The following VSIG8 variants were observed in gnomAD, a reference collection of about 807,000 sequenced individuals.
VSIG8 encodes V-set and immunoglobulin domain-containing protein 8.
Under a neutral mutation model 42.6 loss-of-function variants are expected in VSIG8, and 32 were observed. The observed-to-expected ratio is 0.75, with a 90% CI of 0.57 to 1.01. The LOEUF is 1.01. Ranked by LOEUF, VSIG8 falls within the 50% of genes least tolerant of loss-of-function variation. VSIG8 has a pLI of 0.00. For missense variants in VSIG8, 529 were observed against 558.0 expected (o/e 0.95, Z 0.52); for synonymous variants, 290 against 243.8 (o/e 1.19, Z -1.77).
At chr1:159,858,434 T>C (rs1276559611) in intron 2 of VSIG8, 143 bp from the exon 3 acceptor site, 2 of 876,954 alleles carry the variant, frequency 2.3e-6, no homozygotes, top group East Asian at 2.6e-5. Flanking sequence ...CCTGAGCCAC[T>C]GACCTCTTAC....
rs146657303 is a variant in VSIG8 at position 159,857,836 on chromosome 1, A to G, written c.561T>C (p.His187=). Residue 187 remains histidine, a synonymous_variant, in exon 4 of 7, where the codon CAT becomes CAC. Coordinates refer to ENST00000368100, the MANE Select transcript of VSIG8 (RefSeq NM_001013661.1). ...TGTAAGACCCAGCTCGATAGGGGTAATGGTGCCCACTGATCTTGGCCCACT... is the reference window on the plus strand; with the variant it reads ...TGTAAGACCCAGCTCGATAGGGGTAGTGGTGCCCACTGATCTTGGCCCACT... The part of the protein sequence containing the change: ...SYKWAKISGH[H]YPYRAGSYTS... 1,003 of 1,614,218 alleles carry G rather than the reference A, an allele frequency of 6.2e-4. 2 individuals are homozygous for G. The African/African-American group carries it at 0.012, about 19-fold the overall frequency.
rs773099233 is a variant in VSIG8 at position 159,854,765 on chromosome 1, GC to G, written c.1232del (p.Gly411AlafsTer47). 4 of 1,493,420 alleles carry G rather than the reference GC, an allele frequency of 2.7e-6. No homozygotes were observed. The highest frequency in any genetic ancestry group is 2.7e-6 in the Non-Finnish European group (3 of 1,129,014). The allele number at this position is 1,493,420 out of a possible 1,614,324, so 92.5% of individuals were successfully genotyped here. ...CAEGPVQCKN[G>X]LLV ...CCGGCGCGCGCGCTCACACCAAGAGGCCGTTCTTGCACTGCACCGGCCCCTC... is the reference window on the plus strand; with the variant it reads ...CCGGCGCGCGCGCTCACACCAAGAGGCGTTCTTGCACTGCACCGGCCCCTC... On this transcript the variant is annotated frameshift_variant, in exon 7 of 7. Coordinates refer to ENST00000368100, the MANE Select transcript of VSIG8 (RefSeq NM_001013661.1). LOFTEE classifies it high-confidence loss of function.
rs116960200 is a variant in VSIG8, at chr1:159,859,924, C to G, written c.50-1012G>C. The stretch of plus-strand genomic sequence containing the variant: ...GCTCTTGTCCCTCCCTACCCTGAAG[C>G]CCCAGGCAGGCCTATCCCCAACCGG... On this transcript the variant is annotated intron_variant, in intron 1 of 6. Transcript: ENST00000368100. 1.9e-3 allele frequency among the ~76,000 whole-genome samples: 296 copies of G among 152,116 alleles called. 4 individuals are homozygous for G. Among genetic ancestry groups the G allele is most frequent in the Admixed American group, 0.017 (263 of 15,288 alleles).
At position 159,855,929 on chromosome 1, in the gene VSIG8, C is replaced by CGCCGTT. The variant is rs959233291; in HGVS notation, c.919_924dup (p.Asn307_Gly308dup). ...CCGCAGGCCCCTCCGCCGACCCCGC[C>CGCCGTT]GCCGTTGCCGTAGCCGAAGGCACCG... On this transcript the variant is annotated inframe_insertion, in exon 6 of 7. Transcript: ENST00000368100. 1.4e-5 allele frequency: 22 copies of CGCCGTT among 1,566,466 alleles called. No homozygotes were observed. Among genetic ancestry groups the CGCCGTT allele is most frequent in the South Asian group, 5.8e-5 (5 of 86,186 alleles).
intron 6 of VSIG8, 30 bp downstream of exon 6, chr1:159,855,853 C>T: frequency 1.3e-6 from 2 of 1,528,942 alleles, no homozygotes; most frequent in Admixed American, 2.2e-5. Context: ...CCCTGCCGCA[C>T]AGCAGCATGC....
chr1:159,857,978 C>T lies in VSIG8; in HGVS notation c.431-12G>A. 1 of 1,613,034 alleles carries T rather than the reference C, an allele frequency of 6.2e-7. No homozygotes were observed. On this transcript the variant is annotated splice_polypyrimidine_tract_variant and intron_variant, in intron 3 of 6. Coordinates refer to ENST00000368100, the MANE Select transcript of VSIG8 (RefSeq NM_001013661.1). ...CACTGCAGGTCGTGCTGCAAGGAGG[C>T]AGACAATTGTAAGCCAGGGCCCAGC... is the stretch of plus-strand genomic sequence containing the variant.
chr1:159,855,704 G>A (rs1377796254), intron 6 of VSIG8, 179 bp downstream of exon 6: 1 of 944,250 alleles, frequency 1.1e-6, no homozygotes, highest in East Asian at 1.2e-4. Context: ...TGGGGTGGCA[G>A]GGGGAGGGGA....
Position 159,858,103 on chromosome 1 carries a change from A to G in VSIG8, c.417T>C (p.Ile139=). The G allele has an allele frequency of 6.2e-7, 1 of 1,614,178 alleles. No individual in the cohort carries two copies. ...KKTTMATRKV[I]VTVQARPAVP... The stretch of plus-strand genomic sequence containing the variant: ...GTCTGGCCATACCTTGGACAGTGAC[A>G]ATGACCTTCCGGGTGGCCATGGTGG... Residue 139 remains isoleucine (I), a synonymous_variant, in exon 3 of 7, where the codon ATT becomes ATC. Transcript: ENST00000368100.
chr1:159,855,102 G>A, intron 6 of VSIG8, 76 bp from the exon 7 acceptor site: 2 of 1,553,156 alleles, frequency 1.3e-6, no homozygotes, highest in South Asian at 1.2e-5. Flanking sequence ...GCAGAGCCGG[G>A]GGCTCTTGGC....
Position 159,856,065 on chromosome 1 carries a change from G to T in VSIG8, c.789C>A (p.Gly263=). Residue 263 remains glycine, a synonymous_variant, in exon 6 of 7, where the codon GGC becomes GGA. Coordinates refer to ENST00000368100, the MANE Select transcript of VSIG8 (RefSeq NM_001013661.1). ...EVKVSDSRRI[G]VIIGIVLGSL... ...AGCCCAGGACGATGCCGATGATCACGCCTATACGCCGGGAGTCTGTGGAGA... is the reference window on the plus strand; with the variant it reads ...AGCCCAGGACGATGCCGATGATCACTCCTATACGCCGGGAGTCTGTGGAGA... 2 of 1,611,872 alleles carry T rather than the reference G, an allele frequency of 1.2e-6. 1 individual carries two copies. Among genetic ancestry groups the T allele is most frequent in the South Asian group, 2.2e-5 (2 of 90,630 alleles).
intron 2 of VSIG8, 84 bp downstream of exon 2, chr1:159,858,650 G>A: frequency 6.7e-7 from 1 of 1,487,454 alleles, no homozygotes; most frequent in Non-Finnish European, 9.0e-7. Context: ...TTCAAGGTCA[G>A]TCTTCTCCCT....
At chr1:159,855,773 C>A in intron 6 of VSIG8, 110 bp downstream of exon 6, 1 of 1,363,338 alleles carries the variant, frequency 7.3e-7, no homozygotes, top group South Asian at 1.6e-5. Context: ...GTGGCGATGG[C>A]GGGCAGGGTT....
chr1:159,858,705 G>A (rs1470451777), intron 2 of VSIG8, 29 bp downstream of exon 2: 2 of 1,581,798 alleles, frequency 1.3e-6, no homozygotes, highest in Non-Finnish European at 1.7e-6. Flanking sequence ...GAAGCCTAGA[G>A]GAAGGAGACC....
chr1:159,857,633 A>G, intron 4 of VSIG8, 112 bp downstream of exon 4: 1 of 823,618 alleles, frequency 1.2e-6, no homozygotes, highest in South Asian at 1.8e-5. Flanking sequence ...GGTCTCCCAC[A>G]GGGATTCCAG....
chr1:159,854,891 C>A lies in VSIG8; in HGVS notation c.1107G>T (p.Glu369Asp). The A allele has an allele frequency of 3.4e-6, 5 of 1,471,628 alleles. No individual in the cohort carries two copies. Among genetic ancestry groups the A allele is most frequent in the Non-Finnish European group, 4.5e-6 (5 of 1,121,122 alleles). The allele number at this position is 1,471,628 out of a possible 1,614,324, so 91.2% of individuals were successfully genotyped here. Residue 369 changes from glutamate (E) to aspartate (D), a missense_variant, in exon 7 of 7, where the codon GAG becomes GAT. Physicochemically the swap from Glu to Asp is conservative, Grantham distance 45. Transcript: ENST00000368100. ...CGGTGCAGGGCGCCAGGGCCACGTC[C>A]TCGGGGCCGCCGCAGGGGGGAGGCG... ...KYAPPPCGGP[E>D]DVALAPCTAA...
intron 2 of VSIG8, 52 bp downstream of exon 2, chr1:159,858,682 A>T: frequency 6.4e-7 from 1 of 1,550,636 alleles, no homozygotes; most frequent in Non-Finnish European, 8.7e-7. Flanking sequence ...GCTGTCCAAC[A>T]GGTAGACATC....
At position 159,858,307 on chromosome 1, in the gene VSIG8, G is replaced by A. The variant is rs1326099309; in HGVS notation, c.229-16C>T. 2.5e-6 allele frequency: 4 copies of A among 1,614,066 alleles called. No homozygotes were observed. The highest frequency in any genetic ancestry group is 3.4e-6 in the Non-Finnish European group (4 of 1,179,948). On this transcript the variant is annotated splice_polypyrimidine_tract_variant and intron_variant, in intron 2 of 6. Coordinates refer to ENST00000368100, the MANE Select transcript of VSIG8 (RefSeq NM_001013661.1). ...AACTAAGGAACTGTGAAGAGGAGAG[G>A]AAAACAGGTGGTGAAACAGGCAGAG... is the stretch of plus-strand genomic sequence containing the variant.
At chr1:159,855,131 C>T (rs1224262908) in intron 6 of VSIG8, 105 bp from the exon 7 acceptor site, 26 of 1,551,354 alleles carry the variant, frequency 1.7e-5, no homozygotes, top group Non-Finnish European at 2.2e-5. Context: ...GTCTCCCGCG[C>T]CTCCCTCCAC....
chr1:159,855,956 G>A lies in VSIG8; in HGVS notation c.898C>T (p.Arg300Cys). 6.3e-7 allele frequency: 1 copy of A among 1,582,364 alleles called. No homozygotes were observed. Among genetic ancestry groups the A allele is most frequent in the Non-Finnish European group, 8.6e-7 (1 of 1,164,946 alleles). ...CCGTTGCCGTAGCCGAAGGCACCGC[G>A]GGCGCCGCCAGCCCCGGAGCCCCCG... ...CCGGSGAGGARGAFGYGNGGG... is the reference protein window; with the variant it reads ...CCGGSGAGGACGAFGYGNGGG... Residue 300 changes from arginine to cysteine, a missense_variant, in exon 6 of 7, where the codon CGC becomes TGC. Arg to Cys is a radical substitution (Grantham distance 180, BLOSUM62 -3). Transcript: ENST00000368100.
Sources: allele counts gnomAD v4.1 joint callset (sites outside exome capture counted in the v4.1 genomes callset), GRCh38; gene constraint gnomAD v4.1.1; transcripts MANE v1.5; gene names NCBI Gene and HGNC (gene_info 2026-07-23, HGNC 2026-07-21).